The following ACSL1 variants were observed in gnomAD, a reference collection of about 807,000 sequenced individuals.
ACSL1 encodes the protein long-chain-fatty-acid--CoA ligase 1.
A neutral mutation model predicts 98.4 loss-of-function variants in ACSL1; 41 were observed. The observed-to-expected ratio is 0.42, with a 90% CI of 0.32 to 0.54. The LOEUF (loss-of-function observed/expected upper bound fraction) is 0.54, where lower values mean the gene tolerates loss of function less well. Among genes scored for constraint, ACSL1 ranks in the 20% least tolerant of loss-of-function variants. ACSL1 has a pLI of 0.13. For synonymous variants in ACSL1, 316 were observed against 322.7 expected (o/e 0.98, Z 0.22); for missense variants, 734 against 883.1 (o/e 0.83, Z 2.14).
intron 12 of ACSL1, among the ~76,000 whole-genome samples, chr4:184,767,860 G>C (rs533906764): frequency 3.5e-4 from 53 of 152,288 alleles, no homozygotes; most frequent in Middle Eastern, 3.4e-3. Context: ...CTGTGGCTTA[G>C]TCACTTCTTT....
chr4:184,805,441 A>G, intron 1 of ACSL1: 1 of 984,664 alleles, frequency 1.0e-6, no homozygotes, highest in Non-Finnish European at 1.2e-6. Flanking sequence ...AAGGTTTACC[A>G]TGACAGCAAA....
intron 4 of ACSL1, among the ~76,000 whole-genome samples, chr4:184,781,341 A>G (rs531412683): frequency 2.0e-5 from 3 of 152,186 alleles, no homozygotes; most frequent in African/African-American, 7.2e-5. Context: ...TGGATGATTA[A>G]GTAAATGATG....
At chr4:184,780,109 T>C (rs900876237) in intron 5 of ACSL1, among the ~76,000 whole-genome samples, 2 of 152,182 alleles carry the variant, frequency 1.3e-5, no homozygotes, top group Non-Finnish European at 2.9e-5. Context: ...CGACCTCTGG[T>C]GACCCACCCG....
chr4:184,823,896 A>G (rs2150508825), intron 1 of ACSL1, among the ~76,000 whole-genome samples: 1 of 152,282 alleles, frequency 6.6e-6, no homozygotes, highest in Non-Finnish European at 1.5e-5. Flanking sequence ...CCTAAACTTC[A>G]CCCAAAAGTA....
chr4:184,776,028 A>G (rs1034742327), intron 7 of ACSL1, among the ~76,000 whole-genome samples: 1 of 152,190 alleles, frequency 6.6e-6, no homozygotes, highest in African/African-American at 2.4e-5. Context: ...AAACAAACCA[A>G]ATCAAACATG....
intron 16 of ACSL1, among the ~76,000 whole-genome samples, chr4:184,762,853 T>C (rs1421624314): frequency 1.3e-5 from 2 of 152,190 alleles, no homozygotes; most frequent in African/African-American, 2.4e-5. Flanking sequence ...AGCTCACTAA[T>C]AGGTACCCAG....
At position 184,756,798 on chromosome 4, in the gene ACSL1, G is replaced by A. The variant is rs4862412; in HGVS notation, c.*327C>T. ...GCAAAGTCCTAACCCCTTGATTAGA[G>A]AAACAGGGAGACAGAAGATTTAAAA... On this transcript the variant is annotated 3_prime_UTR_variant, in exon 21 of 21. Transcript: ENST00000281455. 196,234 of 196,518 alleles carry A rather than the reference G, an allele frequency of 1. 97,976 individuals are homozygous for A. Among genetic ancestry groups the A allele is most frequent in the Non-Finnish European group, 1 (95,024 of 95,024 alleles). 12.2% of individuals were successfully genotyped at this position (196,518 alleles called of 1,614,324 possible). A position where few individuals can be genotyped will look rare whatever the true frequency, so the allele number is the denominator to read the frequency against.
rs1764778125 is a variant in ACSL1 at position 184,773,285 on chromosome 4, T to A, written c.842-131A>T. The A allele has an allele frequency of 1.3e-6, 1 of 772,740 alleles. No individual in the cohort carries two copies. The highest frequency in any genetic ancestry group is 2.1e-6 in the Non-Finnish European group (1 of 480,114). The allele number at this position is 772,740 out of a possible 1,614,324, so 47.9% of individuals were successfully genotyped here. A position where few individuals can be genotyped will look rare whatever the true frequency, so the allele number is the denominator to read the frequency against. Reference sequence around the variant, plus strand: ...ATCGTGAAAACCAAATGTTGAACACTAAATTCCTAAGCAACCTGCAATCCT... The same window carrying A: ...ATCGTGAAAACCAAATGTTGAACACAAAATTCCTAAGCAACCTGCAATCCT... On this transcript the variant is annotated intron_variant, in intron 9 of 20. Coordinates refer to ENST00000281455, the MANE Select transcript of ACSL1 (RefSeq NM_001995.5). The surrounding 1 kb of genome is among the most constrained non-coding windows in gnomAD (Gnocchi z 4.3).
intron 1 of ACSL1, among the ~76,000 whole-genome samples, chr4:184,816,178 C>A (rs972992279): frequency 1.3e-4 from 20 of 151,898 alleles, no homozygotes; most frequent in Non-Finnish European, 2.8e-4. Flanking sequence ...CTATGAGGTT[C>A]CCCAGGACTG....
intron 5 of ACSL1, among the ~76,000 whole-genome samples, chr4:184,779,391 A>G (rs1389381185): frequency 6.6e-6 from 1 of 152,214 alleles, no homozygotes; most frequent in Non-Finnish European, 1.5e-5. Context: ...AGGCCCCCCC[A>G]GCCATGTGAA....
Position 184,768,549 on chromosome 4 carries a change from A to G in ACSL1, c.994-99T>C, listed in dbSNP as rs1763985031. 1.5e-5 allele frequency: 23 copies of G among 1,488,468 alleles called. 1 individual carries two copies. The South Asian group carries it at 2.6e-4, about 17-fold the overall frequency. The allele number at this position is 1,488,468 out of a possible 1,614,324, so 92.2% of individuals were successfully genotyped here. On this transcript the variant is annotated intron_variant, in intron 11 of 20. Coordinates refer to ENST00000281455, the MANE Select transcript of ACSL1 (RefSeq NM_001995.5). ...CATTTCAGTTTTAGCATTTCAGGCC[A>G]GTTTCCAGAAATCTTAAATTTCCTA... is the stretch of plus-strand genomic sequence containing the variant.
At chr4:184,781,318 A>T (rs982839861) in intron 4 of ACSL1, among the ~76,000 whole-genome samples, 1 of 151,788 alleles carries the variant, frequency 6.6e-6, no homozygotes, top group Non-Finnish European at 1.5e-5. Context: ...AGGGTAAAAA[A>T]CCTAATCATG....
chr4:184,811,409 G>GTCATGCGT (rs1772104994), intron 1 of ACSL1, among the ~76,000 whole-genome samples: 2 of 152,260 alleles, frequency 1.3e-5, no homozygotes, highest in Non-Finnish European at 2.9e-5. Flanking sequence ...ACCGCGCCCA[G>GTCATGCGT]CTGCACAATG....
chr4:184,775,616 A>C (rs1237891293), intron 7 of ACSL1, among the ~76,000 whole-genome samples: 1 of 152,146 alleles, frequency 6.6e-6, no homozygotes, highest in Non-Finnish European at 1.5e-5. Flanking sequence ...ACAAGAGAGA[A>C]GGTTCTGTTA....
intron 4 of ACSL1, among the ~76,000 whole-genome samples, chr4:184,781,054 G>C (rs1285103873): frequency 2.0e-5 from 3 of 151,902 alleles, no homozygotes; most frequent in Non-Finnish European, 4.4e-5. Context: ...GGCCAACATG[G>C]TAAAACCCCG....
chr4:184,813,119 G>A (rs1387544042), intron 1 of ACSL1, among the ~76,000 whole-genome samples: 1 of 152,152 alleles, frequency 6.6e-6, no homozygotes, highest in African/African-American at 2.4e-5. Flanking sequence ...ATCCACTTGA[G>A]AAAATGATGA....
rs1332619448 is a variant in ACSL1 at position 184,773,305 on chromosome 4, A to T, written c.842-151T>A. ...AACACTAAATTCCTAAGCAACCTGC[A>T]ATCCTTACACTGACTTATCTTTAAA... On this transcript the variant is annotated intron_variant, in intron 9 of 20. Coordinates refer to ENST00000281455, the MANE Select transcript of ACSL1 (RefSeq NM_001995.5). This position sits in a 1 kb window ranked among gnomAD's most constrained non-coding sequence, Gnocchi z 4.3. 1 of 684,514 alleles carries T rather than the reference A, an allele frequency of 1.5e-6. No individual in the cohort carries two copies. 42.4% of individuals were successfully genotyped at this position (684,514 alleles called of 1,614,324 possible). A position where few individuals can be genotyped will look rare whatever the true frequency, so the allele number is the denominator to read the frequency against.
rs1275651353 is a variant in ACSL1, at chr4:184,803,302, G to C, written c.195+18C>G. ...AATGCGGAGAAAACGCACGAGGCAG[G>C]CTGGGCCCTCCACTCACCGCCACTT... is the stretch of plus-strand genomic sequence containing the variant. On this transcript the variant is annotated intron_variant, in intron 2 of 20. Coordinates refer to ENST00000281455, the MANE Select transcript of ACSL1 (RefSeq NM_001995.5). The surrounding 1 kb of genome is among the most constrained non-coding windows in gnomAD (Gnocchi z 4.8). 9 of 1,541,804 alleles carry C rather than the reference G, an allele frequency of 5.8e-6. No homozygotes were observed. Among genetic ancestry groups the C allele is most frequent in the Admixed American group, 2.0e-5 (1 of 50,074 alleles).
Position 184,782,330 on chromosome 4 carries a change from GA to G in ACSL1, c.375+1596del, listed in dbSNP as rs773273271. 7.7e-3 allele frequency among the ~76,000 whole-genome samples: 1,033 copies of G among 134,416 alleles called. 6 individuals are homozygous for G. Among genetic ancestry groups the G allele is most frequent in the African/African-American group, 0.019 (684 of 36,660 alleles). The allele number at this position is 134,416 out of a possible 152,430, so 88.2% of individuals were successfully genotyped here. A position where few individuals can be genotyped will look rare whatever the true frequency, so the allele number is the denominator to read the frequency against. On this transcript the variant is annotated intron_variant, in intron 4 of 20. Coordinates refer to ENST00000281455, the MANE Select transcript of ACSL1 (RefSeq NM_001995.5). The stretch of plus-strand genomic sequence containing the variant: ...AAAAGGTCATATTCATTGGATGACT[GA>G]AAAAAAAAAAAAGATTTGAATGTAC...
Sources: allele counts gnomAD v4.1 joint callset (sites outside exome capture counted in the v4.1 genomes callset), GRCh38; gene constraint gnomAD v4.1.1; non-coding constraint Gnocchi (gnomAD v3.1); transcripts MANE v1.5; gene names NCBI Gene and HGNC (gene_info 2026-07-23, HGNC 2026-07-21).